The following ZNF385B variants were observed in gnomAD, a reference collection of about 807,000 sequenced individuals.
ZNF385B encodes zinc finger protein 385B, also known as zinc finger protein 533.
Under a neutral mutation model 39.2 loss-of-function variants are expected in ZNF385B, and 23 were observed. The observed-to-expected ratio is 0.59, with a 90% CI of 0.42 to 0.83. ZNF385B has a LOEUF of 0.83. Ranked by LOEUF, ZNF385B falls within the 40% of genes least tolerant of loss-of-function variation. The pLI is 0.00. For synonymous variants in ZNF385B, 205 were observed against 222.6 expected (o/e 0.92, Z 0.70); for missense variants, 552 against 598.9 (o/e 0.92, Z 0.82).
chr2:179,719,262 T>C (rs566686689), intron 3 of ZNF385B, among the ~76,000 whole-genome samples: 34 of 152,248 alleles, frequency 2.2e-4, no homozygotes, highest in African/African-American at 7.9e-4. Flanking sequence ...ACCATTCCTA[T>C]TGCATGAGCC....
At chr2:179,830,699 G>A (rs973456884) in intron 1 of ZNF385B, among the ~76,000 whole-genome samples, 17 of 152,150 alleles carry the variant, frequency 1.1e-4, no homozygotes, top group African/African-American at 3.4e-4. Flanking sequence ...AGTGGTTTCC[G>A]GTGGATGGGG....
At chr2:179,717,767 A>C (rs1700423366) in intron 3 of ZNF385B, among the ~76,000 whole-genome samples, 1 of 152,182 alleles carries the variant, frequency 6.6e-6, no homozygotes, top group Non-Finnish European at 1.5e-5. Context: ...TGATAGTTTC[A>C]ACTGTTTCTG....
intron 1 of ZNF385B, among the ~76,000 whole-genome samples, chr2:179,777,562 A>G (rs1178039513): frequency 6.6e-6 from 1 of 152,228 alleles, no homozygotes; most frequent in East Asian, 1.9e-4. Context: ...GATAATAAAT[A>G]AATACTTAAG....
At chr2:179,488,055 T>C (rs1361791254) in intron 5 of ZNF385B, among the ~76,000 whole-genome samples, 1 of 152,258 alleles carries the variant, frequency 6.6e-6, no homozygotes, top group Non-Finnish European at 1.5e-5. Flanking sequence ...AAGAATGAGA[T>C]AACTTAGTGC....
At chr2:179,798,615 G>T (rs1393344736) in intron 1 of ZNF385B, among the ~76,000 whole-genome samples, 10 of 151,910 alleles carry the variant, frequency 6.6e-5, no homozygotes, top group Admixed American at 5.9e-4. Context: ...CTAGTGTCAG[G>T]ATCACAATAT....
At chr2:179,612,402 T>A (rs1689362443) in intron 3 of ZNF385B, among the ~76,000 whole-genome samples, 3 of 152,156 alleles carry the variant, frequency 2.0e-5, no homozygotes, top group South Asian at 4.1e-4. Context: ...TTGGCTGTTG[T>A]AATCTAAGTT....
chr2:179,635,565 C>G (rs1691683174), intron 3 of ZNF385B, among the ~76,000 whole-genome samples: 1 of 151,696 alleles, frequency 6.6e-6, no homozygotes, highest in South Asian at 2.1e-4. Flanking sequence ...CATGAAATCC[C>G]AAATACAAAA....
At chr2:179,595,116 A>G (rs546776974) in intron 3 of ZNF385B, among the ~76,000 whole-genome samples, 1 of 152,346 alleles carries the variant, frequency 6.6e-6, no homozygotes, top group African/African-American at 2.4e-5. Flanking sequence ...CCAATAGGAA[A>G]TTTATAGTGA....
In ZNF385B at chr2:179,518,771, C is replaced by A. The variant is rs4567894; in HGVS notation, c.442-133G>T. The A allele has an allele frequency of 0.77, 381,328 of 495,458 alleles. 147,807 individuals are homozygous for A. The highest frequency in any genetic ancestry group is 0.88 in the East Asian group (26,159 of 29,774). 30.7% of individuals were successfully genotyped at this position (495,458 alleles called of 1,614,324 possible). On this transcript the variant is annotated intron_variant, in intron 4 of 9. Coordinates refer to ENST00000410066, the MANE Select transcript of ZNF385B (RefSeq NM_152520.6). Reference sequence around the variant, plus strand: ...CTAAACAAAGATAATAAAGAGTCTCCTTCAACAGTAATATATTTGTCTCCA... The same window carrying A: ...CTAAACAAAGATAATAAAGAGTCTCATTCAACAGTAATATATTTGTCTCCA...
chr2:179,728,613 T>C (rs548043654), intron 3 of ZNF385B, among the ~76,000 whole-genome samples: 16 of 152,288 alleles, frequency 1.1e-4, no homozygotes, highest in African/African-American at 3.8e-4. Flanking sequence ...CCCAAAATTT[T>C]TTAAAACTTT....
chr2:179,664,626 T>A (rs1694919272), intron 3 of ZNF385B, among the ~76,000 whole-genome samples: 1 of 152,192 alleles, frequency 6.6e-6, no homozygotes, highest in Admixed American at 6.5e-5. Context: ...ACATCCTAAA[T>A]GTCCAACAGC....
chr2:179,518,338 C>T (rs930666548), intron 5 of ZNF385B, among the ~76,000 whole-genome samples, 190 bp downstream of exon 5: 15 of 152,090 alleles, frequency 9.9e-5, no homozygotes, highest in African/African-American at 3.6e-4. Context: ...TTCAGAGGGC[C>T]AACCATACTC....
At chr2:179,542,802 T>A (rs994938645) in intron 4 of ZNF385B, among the ~76,000 whole-genome samples, 37 of 152,156 alleles carry the variant, frequency 2.4e-4, no homozygotes, top group African/African-American at 7.7e-4. Context: ...ATGTATAACA[T>A]ACTTCCAGAA....
At chr2:179,691,015 G>T (rs888425192) in intron 3 of ZNF385B, among the ~76,000 whole-genome samples, 1 of 152,162 alleles carries the variant, frequency 6.6e-6, no homozygotes, top group African/African-American at 2.4e-5. Flanking sequence ...CTGGCAGGGA[G>T]GCAGTGACAA....
chr2:179,574,165 G>A (rs1288090622), intron 3 of ZNF385B, among the ~76,000 whole-genome samples: 1 of 152,190 alleles, frequency 6.6e-6, no homozygotes, highest in East Asian at 1.9e-4. Context: ...GAATTAAGGG[G>A]TTTGAATCCT....
chr2:179,817,721 A>G (rs1707153727), intron 1 of ZNF385B, among the ~76,000 whole-genome samples: 1 of 151,618 alleles, frequency 6.6e-6, no homozygotes, highest in Non-Finnish European at 1.5e-5. Context: ...GGTTATGTTC[A>G]CATGACTGGC....
intron 3 of ZNF385B, among the ~76,000 whole-genome samples, chr2:179,743,839 G>T (rs1702218288): frequency 6.6e-6 from 1 of 152,076 alleles, no homozygotes; most frequent in South Asian, 2.1e-4. Context: ...TGAGATGATT[G>T]CATGAAAGAA....
chr2:179,617,827 T>C (rs541115037), intron 3 of ZNF385B, among the ~76,000 whole-genome samples: 168 of 152,316 alleles, frequency 1.1e-3, no homozygotes, highest in African/African-American at 3.7e-3. Context: ...TTGGCCATTA[T>C]ACCAAGGAGG....
rs539951345 is a variant in ZNF385B, at chr2:179,852,450, C to A, written c.-155+8651G>T. Among the ~76,000 whole-genome samples the A allele has an allele frequency of 4.6e-5, 7 of 152,238 alleles. No individual in the cohort carries two copies. In the South Asian group the frequency reaches 1.5e-3, roughly 32 times the overall value. On this transcript the variant is annotated intron_variant, in intron 1 of 9. Coordinates refer to ENST00000410066, the MANE Select transcript of ZNF385B (RefSeq NM_152520.6). Reference sequence around the variant, plus strand: ...AATTATAATCTTGGGAGCCAAAAATCGCTGGCTCCAGGACCTCACCTCCTA... The same window carrying A: ...AATTATAATCTTGGGAGCCAAAAATAGCTGGCTCCAGGACCTCACCTCCTA...
Sources: allele counts gnomAD v4.1 joint callset (sites outside exome capture counted in the v4.1 genomes callset), GRCh38; gene constraint gnomAD v4.1.1; transcripts MANE v1.5; gene names NCBI Gene and HGNC (gene_info 2026-07-23, HGNC 2026-07-21).